Variants in STK32B observed in about 807,000 individuals in gnomAD.
STK32B encodes the protein serine/threonine kinase 32B, also known as serine/threonine-protein kinase 32B.
Under a neutral mutation model 52.6 loss-of-function variants are expected in STK32B, and 43 were observed. The observed-to-expected ratio is 0.82, with a 90% CI of 0.64 to 1.05. STK32B has a LOEUF of 1.05. Ranked by LOEUF, STK32B falls within the 50% of genes least tolerant of loss-of-function variation. The pLI, the probability that STK32B is intolerant of heterozygous loss-of-function variation, is 0.00. For missense variants in STK32B, 621 were observed against 534.6 expected (o/e 1.16, Z -1.59); for synonymous variants, 238 against 204.3 (o/e 1.17, Z -1.41).
At chr4:5,317,288 T>TAAC (rs1731101608) in intron 3 of STK32B, among the ~76,000 whole-genome samples, 1 of 57,894 alleles carries the variant, frequency 1.7e-5, no homozygotes, top group African/African-American at 1.4e-4. Flanking sequence ...ACATATAACA[T>TAAC]ATATATAATA....
the STK32B span, among the ~76,000 whole-genome samples, chr4:5,021,303 T>A: frequency 6.6e-6 from 1 of 152,236 alleles, no homozygotes; most frequent in Admixed American, 6.5e-5. Context: ...TCCTGTTTTG[T>A]AGGTGAGAAT....
At chr4:5,161,613 C>T (rs1214249684) in intron 2 of STK32B, among the ~76,000 whole-genome samples, 1 of 152,182 alleles carries the variant, frequency 6.6e-6, no homozygotes, top group African/African-American at 2.4e-5. Context: ...ATCTCCTTGG[C>T]TAGAACTGTG....
chr4:5,071,063 C>T (rs1343177216), intron 1 of STK32B, among the ~76,000 whole-genome samples: 1 of 152,154 alleles, frequency 6.6e-6, no homozygotes, highest in Non-Finnish European at 1.5e-5. Context: ...CTCCTGAGTG[C>T]AGAATGCTGT....
At chr4:5,201,724 C>T (rs986379337) in intron 3 of STK32B, among the ~76,000 whole-genome samples, 5 of 152,162 alleles carry the variant, frequency 3.3e-5, no homozygotes, top group African/African-American at 7.2e-5. Flanking sequence ...GCACATCTTA[C>T]ATGGTGGCAG....
At chr4:5,237,447 C>T (rs528324484) in intron 3 of STK32B, among the ~76,000 whole-genome samples, 251 of 152,136 alleles carry the variant, frequency 1.6e-3, no homozygotes, top group Non-Finnish European at 2.9e-3. Context: ...TTTTCATACT[C>T]GGGAGATTAA....
intron 3 of STK32B, among the ~76,000 whole-genome samples, chr4:5,231,970 A>G (rs1345474160): frequency 1.3e-5 from 2 of 152,184 alleles, no homozygotes; most frequent in African/African-American, 4.8e-5. Context: ...TGAATGGTAA[A>G]AATTCCTTCC....
At chr4:5,393,810 C>G (rs1158034173) in intron 4 of STK32B, among the ~76,000 whole-genome samples, 1 of 152,140 alleles carries the variant, frequency 6.6e-6, no homozygotes, top group Non-Finnish European at 1.5e-5. Flanking sequence ...ATCACTCACC[C>G]AGGGCAGCGT....
chr4:5,228,906 G>A (rs1299405769), intron 3 of STK32B, among the ~76,000 whole-genome samples: 4 of 152,126 alleles, frequency 2.6e-5, no homozygotes, highest in African/African-American at 7.2e-5. Context: ...GTCGGAGGGT[G>A]CAGTGAGCCA....
chr4:5,373,703 C>T (rs892407909), intron 4 of STK32B, among the ~76,000 whole-genome samples: 32 of 152,134 alleles, frequency 2.1e-4, no homozygotes, highest in African/African-American at 6.5e-4. Context: ...CTCAGGAATC[C>T]GCCTCTCTCC....
At chr4:5,384,142 AG>A (rs1282673341) in intron 4 of STK32B, among the ~76,000 whole-genome samples, 8 of 152,106 alleles carry the variant, frequency 5.3e-5, no homozygotes, top group African/African-American at 1.7e-4. Flanking sequence ...GAGTGGAAGG[AG>A]GATGGAGGGG....
the STK32B span, among the ~76,000 whole-genome samples, chr4:5,040,195 T>C: frequency 1.3e-5 from 2 of 152,154 alleles, no homozygotes; most frequent in Admixed American, 6.5e-5. Flanking sequence ...AGTGGCCATG[T>C]GCTCAGCTAA....
intron 4 of STK32B, among the ~76,000 whole-genome samples, chr4:5,385,032 C>T (rs1297324916): frequency 6.6e-6 from 1 of 152,152 alleles, no homozygotes; most frequent in Admixed American, 6.5e-5. Flanking sequence ...ACCCTCGAGT[C>T]GTGGTGGGAC....
In STK32B at chr4:5,240,052, TTCTCTCTC is replaced by T. The variant is rs10563867; in HGVS notation, c.260+71616_260+71623del. On this transcript the variant is annotated intron_variant, in intron 3 of 11. Coordinates refer to ENST00000282908, the MANE Select transcript of STK32B (RefSeq NM_018401.3). ...TTTCTCTTTCCCCCCTTCATTTCTCTTCTCTCTCTCTCTCTCTCTCTGTCTCTCTCTCT... is the reference window on the plus strand; with the variant it reads ...TTTCTCTTTCCCCCCTTCATTTCTCTTCTCTCTCTCTCTGTCTCTCTCTCT... 1.1e-3 allele frequency among the ~76,000 whole-genome samples: 169 copies of T among 147,876 alleles called. 2 individuals carry two copies. The highest frequency in any genetic ancestry group is 3.9e-3 in the African/African-American group (154 of 39,870).
intron 3 of STK32B, among the ~76,000 whole-genome samples, chr4:5,175,956 G>A (rs1015420821): frequency 2.0e-5 from 3 of 152,246 alleles, no homozygotes; most frequent in South Asian, 2.1e-4. Context: ...CCACCCACTC[G>A]AGCTTCCCAG....
intron 3 of STK32B, among the ~76,000 whole-genome samples, chr4:5,277,078 T>C (rs754579407): frequency 2.0e-5 from 3 of 152,238 alleles, no homozygotes; most frequent in Non-Finnish European, 4.4e-5. Context: ...CAAATCCTTA[T>C]GATACATGTG....
intron 3 of STK32B, among the ~76,000 whole-genome samples, chr4:5,229,093 G>A (rs1291898659): frequency 2.0e-5 from 3 of 151,986 alleles, no homozygotes; most frequent in East Asian, 1.9e-4. Context: ...TACTAACAAA[G>A]TCAGCACATG....
intron 4 of STK32B, among the ~76,000 whole-genome samples, chr4:5,331,709 G>A (rs1384881808): frequency 2.6e-5 from 4 of 152,122 alleles, no homozygotes; most frequent in East Asian, 3.9e-4. Context: ...AGTTACAGGA[G>A]CATTATTATA....
In STK32B at chr4:5,470,330, G is replaced by T. The variant is rs553069231; in HGVS notation, c.1106+2260G>T. ...GACACCATTGAGATTTGGCATCGGG[G>T]ATTGGAAGTGAGGCTGGCATAGTTT... On this transcript the variant is annotated intron_variant, in intron 11 of 11. Coordinates refer to ENST00000282908, the MANE Select transcript of STK32B (RefSeq NM_018401.3). This position sits in a 1 kb window ranked among gnomAD's most constrained non-coding sequence, Gnocchi z 4.6. 6.6e-6 allele frequency among the ~76,000 whole-genome samples: 1 copy of T among 152,286 alleles called. No homozygotes were observed. Among genetic ancestry groups the T allele is most frequent in the East Asian group, 1.9e-4 (1 of 5,168 alleles).
intron 1 of STK32B, among the ~76,000 whole-genome samples, chr4:5,054,610 C>T (rs1444374491): frequency 2.0e-5 from 3 of 152,070 alleles, no homozygotes; most frequent in Non-Finnish European, 2.9e-5. Context: ...CTTAAAGGGC[C>T]CAGTGGCCGT....
Sources: gnomAD v4.1 joint callset for allele counts (sites outside exome capture counted in the v4.1 genomes callset) on GRCh38, gnomAD v4.1.1 for gene constraint, Gnocchi (gnomAD v3.1) non-coding constraint, MANE v1.5 for transcripts, NCBI Gene and HGNC (gene_info 2026-07-23, HGNC 2026-07-21) for gene names.